TRIP4: variants seen among roughly 807,000 people sequenced by gnomAD.
The protein encoded by TRIP4 is thyroid hormone receptor interactor 4, also known as activating signal cointegrator 1.
Under a neutral mutation model 81.8 loss-of-function variants are expected in TRIP4, and 54 were observed. The ratio of observed to expected loss-of-function variants is 0.66; its 90% CI spans 0.53 to 0.83. The LOEUF is 0.83. TRIP4 is among the 40% of genes least tolerant of loss of function. The probability of loss-of-function intolerance (pLI) is 0.00; values close to 1 mark genes in which losing one functional copy is unlikely to be tolerated. For synonymous variants in TRIP4, 270 were observed against 242.8 expected, an observed-to-expected ratio of 1.11 and a Z score of -1.04; for missense variants, 662 against 683.6, an observed-to-expected ratio of 0.97 and a Z score of 0.35.
intron 12 of TRIP4, among the ~76,000 whole-genome samples, chr15:64,448,292 T>C (rs1418510832): frequency 1.3e-5 from 2 of 152,178 alleles, no homozygotes; most frequent in Middle Eastern, 3.2e-3. Flanking sequence ...TTTAGTACTT[T>C]CTCTACACCT....
intron 7 of TRIP4, among the ~76,000 whole-genome samples, chr15:64,411,985 T>C (rs1027488890): frequency 6.6e-6 from 1 of 152,118 alleles, no homozygotes; most frequent in Non-Finnish European, 1.5e-5. Flanking sequence ...CGGCACTAAA[T>C]TGTGCATACT....
At chr15:64,397,159 A>G (rs1596336453) in intron 3 of TRIP4, among the ~76,000 whole-genome samples, 2 of 151,758 alleles carry the variant, frequency 1.3e-5, no homozygotes, top group Admixed American at 1.3e-4. Context: ...CTGTTTTTCT[A>G]TTGTATTATC....
At chr15:64,415,902 G>T (rs1279723607) in intron 8 of TRIP4, among the ~76,000 whole-genome samples, 2 of 152,170 alleles carry the variant, frequency 1.3e-5, no homozygotes, top group Non-Finnish European at 2.9e-5. Context: ...CAGAAGATTG[G>T]CATGGCTTCC....
chr15:64,404,017 C>G (rs1891569508), intron 5 of TRIP4, among the ~76,000 whole-genome samples: 1 of 151,984 alleles, frequency 6.6e-6, no homozygotes, highest in Admixed American at 6.6e-5. Context: ...TGTGGAGAAA[C>G]CCCGTCTCTA....
intron 12 of TRIP4, among the ~76,000 whole-genome samples, chr15:64,451,664 A>ATTT (rs1221764414): frequency 7.2e-6 from 1 of 139,018 alleles, no homozygotes; most frequent in Non-Finnish European, 1.6e-5. Context: ...ATTTTTATTA[A>ATTT]TTTTTTTTTT....
intron 4 of TRIP4, among the ~76,000 whole-genome samples, chr15:64,398,928 TTTC>T (rs1392455955): frequency 6.7e-6 from 1 of 148,636 alleles, no homozygotes; most frequent in African/African-American, 2.5e-5. Flanking sequence ...CCCTTAATTT[TTTC>T]TTTTTTCCTT....
intron 4 of TRIP4, 35 bp from the exon 5 acceptor site, chr15:64,400,706 CTG>C (rs1321987975): frequency 1.1e-5 from 17 of 1,512,150 alleles, no homozygotes; most frequent in Non-Finnish European, 1.4e-5. Flanking sequence ...TATAATTTAA[CTG>C]TTGGATCACA....
intron 11 of TRIP4, among the ~76,000 whole-genome samples, chr15:64,429,830 C>T (rs971728809): frequency 1.3e-5 from 2 of 152,152 alleles, no homozygotes; most frequent in East Asian, 3.8e-4. Context: ...AGTTGAATTG[C>T]ATTTTCTTTG....
intron 11 of TRIP4, among the ~76,000 whole-genome samples, chr15:64,443,028 G>C (rs1020104903): frequency 6.6e-6 from 1 of 151,776 alleles, no homozygotes; most frequent in African/African-American, 2.4e-5. Flanking sequence ...CGAATTGACC[G>C]TTTGATTTAG....
rs778574742 is a variant in TRIP4 at position 64,414,101 on chromosome 15, C to G, written c.1060C>G (p.Gln354Glu). The G allele has an allele frequency of 3.0e-5, 49 of 1,614,056 alleles. No homozygotes were observed. Among genetic ancestry groups the G allele is most frequent in the Non-Finnish European group, 4.0e-5 (47 of 1,179,962 alleles). Residue 354 changes from glutamine (Q) to glutamate (E), a missense_variant, in exon 8 of 13, where the codon CAG (glutamine) becomes GAG (glutamate). Coordinates refer to ENST00000261884, the MANE Select transcript of TRIP4 (RefSeq NM_016213.5). Reference sequence around the variant, plus strand: ...TTATCACAGACTAGATGAGACAATACAGGCCATTGCCAATGGAACCTTGAA... The same window carrying G: ...TTATCACAGACTAGATGAGACAATAGAGGCCATTGCCAATGGAACCTTGAA... ...EYHSRLDETI[Q>E]AIANGTLNQP...
intron 12 of TRIP4, among the ~76,000 whole-genome samples, chr15:64,453,113 G>T (rs1395904714): frequency 6.6e-6 from 1 of 152,214 alleles, no homozygotes; most frequent in Non-Finnish European, 1.5e-5. Context: ...AACCTGGGTG[G>T]TGGGGGTTGC....
intron 11 of TRIP4, among the ~76,000 whole-genome samples, chr15:64,436,300 A>G (rs1425651900): frequency 6.7e-6 from 1 of 148,746 alleles, no homozygotes; most frequent in Non-Finnish European, 1.5e-5. Flanking sequence ...GTCTCAAAAG[A>G]AAAAAAAAAT....
intron 9 of TRIP4, among the ~76,000 whole-genome samples, chr15:64,419,636 A>G (rs933599951): frequency 3.0e-4 from 46 of 150,988 alleles, no homozygotes; most frequent in African/African-American, 1.1e-3. Context: ...GGGATTACAG[A>G]CGTGAACCAC....
Position 64,391,850 on chromosome 15 carries a change from A to G in TRIP4, c.102-2096A>G, listed in dbSNP as rs184692874. ...GCCGGGCGCAGTGGTGCACGCCTGC[A>G]ATCCCAGCTACTCAGGAGGCTGAGG... On this transcript the variant is annotated intron_variant, in intron 1 of 12. Transcript: ENST00000261884. Among the ~76,000 whole-genome samples, 261 of 151,920 alleles carry G rather than the reference A, an allele frequency of 1.7e-3. 1 individual carries two copies. The highest frequency in any genetic ancestry group is 2.4e-3 in the Non-Finnish European group (161 of 67,980).
chr15:64,453,358 A>G (rs1892815219), intron 12 of TRIP4, among the ~76,000 whole-genome samples: 1 of 152,206 alleles, frequency 6.6e-6, no homozygotes. Flanking sequence ...GTGGTTACTT[A>G]GTACTGTCTA....
chr15:64,435,822 TAA>T (rs57170652), intron 11 of TRIP4, among the ~76,000 whole-genome samples: 1 of 65,974 alleles, frequency 1.5e-5, no homozygotes, highest in African/African-American at 6.8e-5. Context: ...GGAAGCTTCT[TAA>T]AAAAAAAAAA....
chr15:64,426,096 A>T (rs1892136365), intron 11 of TRIP4, among the ~76,000 whole-genome samples: 1 of 151,898 alleles, frequency 6.6e-6, no homozygotes, highest in African/African-American at 2.4e-5. Flanking sequence ...GAAAAAAAAA[A>T]GCTATTGCCA....
intron 10 of TRIP4, 22 bp from the exon 11 acceptor site, chr15:64,425,518 A>G: frequency 1.3e-6 from 2 of 1,591,756 alleles, no homozygotes; most frequent in African/African-American, 2.7e-5. Context: ...TTTATTCAAT[A>G]TTTTTGTTAT....
At chr15:64,450,485 C>A (rs971304193) in intron 12 of TRIP4, among the ~76,000 whole-genome samples, 3 of 151,602 alleles carry the variant, frequency 2.0e-5, no homozygotes, top group Non-Finnish European at 2.9e-5. Context: ...TTCCTGCAAT[C>A]TAAGGACAGT....
Sources: allele counts gnomAD v4.1 joint callset (sites outside exome capture counted in the v4.1 genomes callset), GRCh38; gene constraint gnomAD v4.1.1; transcripts MANE v1.5; gene names NCBI Gene and HGNC (gene_info 2026-07-23, HGNC 2026-07-21).